OPCML: variants seen among roughly 807,000 people sequenced by gnomAD.
The protein encoded by OPCML is opioid binding protein/cell adhesion molecule like.
A neutral mutation model predicts 37.8 loss-of-function variants in OPCML; 13 were observed. The observed-to-expected ratio is 0.34, with a 90% confidence interval of 0.22 to 0.55. The LOEUF (loss-of-function observed/expected upper bound fraction) is 0.55, where lower values mean the gene tolerates loss of function less well. OPCML is among the 20% of genes least tolerant of loss of function. The probability of loss-of-function intolerance (pLI) is 0.91; values close to 1 mark genes in which losing one functional copy is unlikely to be tolerated. For missense variants in OPCML, 341 were observed against 435.6 expected (o/e 0.78, Z 1.93); for synonymous variants, 176 against 168.8 (o/e 1.04, Z -0.33).
intron 3 of OPCML, among the ~76,000 whole-genome samples, chr11:132,551,137 T>C (rs1473374686): frequency 3.3e-5 from 5 of 152,228 alleles, no homozygotes; most frequent in African/African-American, 1.2e-4. Context: ...GCAATTCCCC[T>C]GTCTTGAACT....
chr11:132,877,433 A>T (rs1943062136), intron 2 of OPCML, among the ~76,000 whole-genome samples: 1 of 152,202 alleles, frequency 6.6e-6, no homozygotes, highest in African/African-American at 2.4e-5. Context: ...GTCTGGCCCT[A>T]GCTTTGCTAC....
At chr11:132,442,770 G>A (rs746477077) in intron 4 of OPCML, among the ~76,000 whole-genome samples, 6 of 152,270 alleles carry the variant, frequency 3.9e-5, no homozygotes, top group Middle Eastern at 3.4e-3. Context: ...CCCTGCACAA[G>A]CTTCTTGCCT....
At chr11:132,748,692 C>T (rs986628451) in intron 2 of OPCML, among the ~76,000 whole-genome samples, 7 of 152,134 alleles carry the variant, frequency 4.6e-5, no homozygotes, top group South Asian at 2.1e-4. Flanking sequence ...CTGAAGAAGA[C>T]GGAAAGGCAT....
At chr11:132,559,598 T>C (rs996996599) in intron 3 of OPCML, among the ~76,000 whole-genome samples, 1 of 152,084 alleles carries the variant, frequency 6.6e-6, no homozygotes, top group Admixed American at 6.5e-5. Context: ...ACTGGAATTA[T>C]GAGAAACAAA....
intron 1 of OPCML, among the ~76,000 whole-genome samples, chr11:133,261,322 C>T (rs1320304797): frequency 1.3e-5 from 2 of 152,226 alleles, no homozygotes; most frequent in South Asian, 2.1e-4. Context: ...TCTTGTAGCT[C>T]TCTCTTCCTT....
At chr11:133,477,686 A>C (rs1225665165) in intron 1 of OPCML, among the ~76,000 whole-genome samples, 1 of 152,224 alleles carries the variant, frequency 6.6e-6, no homozygotes, top group African/African-American at 2.4e-5. Flanking sequence ...CCGCATGTCC[A>C]TCACGGGCCA....
intron 1 of OPCML, among the ~76,000 whole-genome samples, chr11:132,957,627 C>A (rs904404724): frequency 1.3e-5 from 2 of 152,012 alleles, no homozygotes; most frequent in Admixed American, 6.6e-5. Context: ...TTGTGGCAAC[C>A]CTGCATCAAG....
chr11:132,433,718 T>A (rs553160449), intron 7 of OPCML, among the ~76,000 whole-genome samples: 33 of 152,292 alleles, frequency 2.2e-4, no homozygotes, highest in Admixed American at 1.1e-3. Flanking sequence ...CCAATATAGT[T>A]ACTGTCCTTA....
chr11:132,970,277 A>T (rs992540128), intron 1 of OPCML, among the ~76,000 whole-genome samples: 11 of 152,200 alleles, frequency 7.2e-5, no homozygotes, highest in African/African-American at 2.7e-4. Flanking sequence ...GCACATACGA[A>T]ATATTTTATT....
chr11:133,324,541 G>T (rs1943405583), intron 1 of OPCML, among the ~76,000 whole-genome samples: 1 of 152,210 alleles, frequency 6.6e-6, no homozygotes, highest in African/African-American at 2.4e-5. Context: ...TACTGCTGGG[G>T]AGGGAAGAAA....
At chr11:132,868,730 C>T (rs1163104601) in intron 2 of OPCML, among the ~76,000 whole-genome samples, 1 of 152,160 alleles carries the variant, frequency 6.6e-6, no homozygotes, top group Non-Finnish European at 1.5e-5. Flanking sequence ...GGACTGCTCC[C>T]TTGACACATC....
intron 1 of OPCML, among the ~76,000 whole-genome samples, chr11:133,448,890 G>C (rs1297911846): frequency 6.6e-6 from 1 of 152,180 alleles, no homozygotes; most frequent in African/African-American, 2.4e-5. Context: ...AATGAATATT[G>C]TGGTTTATCT....
At chr11:133,091,698 A>T (rs747010404) in intron 1 of OPCML, among the ~76,000 whole-genome samples, 21 of 152,072 alleles carry the variant, frequency 1.4e-4, no homozygotes, top group Non-Finnish European at 2.8e-4. Flanking sequence ...TGACCCTCCC[A>T]CCATGGTATT....
chr11:133,292,136 G>A (rs1942495871), intron 1 of OPCML, among the ~76,000 whole-genome samples: 1 of 152,124 alleles, frequency 6.6e-6, no homozygotes, highest in African/African-American at 2.4e-5. Context: ...CTTGTGTTCT[G>A]ACACATAAGG....
intron 2 of OPCML, among the ~76,000 whole-genome samples, chr11:132,820,717 G>A (rs957769471): frequency 6.6e-6 from 1 of 152,112 alleles, no homozygotes; most frequent in Non-Finnish European, 1.5e-5. Flanking sequence ...CTGTATCTCA[G>A]GCAGTTTGGT....
intron 3 of OPCML, among the ~76,000 whole-genome samples, chr11:132,564,349 T>C (rs2096417441): frequency 6.6e-6 from 1 of 152,204 alleles, no homozygotes; most frequent in South Asian, 2.1e-4. Context: ...CCTAACCGCT[T>C]CCTTCCACAA....
chr11:132,659,716 G>A (rs1041472980), intron 2 of OPCML, among the ~76,000 whole-genome samples: 2 of 152,064 alleles, frequency 1.3e-5, no homozygotes, highest in African/African-American at 4.8e-5. Context: ...GTGTGTGTGT[G>A]TGTGTGTGTG....
At chr11:133,360,236 T>C (rs898644057) in intron 1 of OPCML, 2 of 152,258 alleles carry the variant, frequency 1.3e-5, no homozygotes, top group African/African-American at 2.4e-5. Context: ...GCAGAGATTC[T>C]ATTTTATCTA....
At chr11:132,426,268 AT>A (rs1162867680) in intron 7 of OPCML, among the ~76,000 whole-genome samples, 1 of 152,216 alleles carries the variant, frequency 6.6e-6, no homozygotes, top group Non-Finnish European at 1.5e-5. Context: ...AAAGGGATCC[AT>A]TTGTGTGGAC....
Sources: allele counts gnomAD v4.1 joint callset (sites outside exome capture counted in the v4.1 genomes callset), GRCh38; gene constraint gnomAD v4.1.1; transcripts MANE v1.5; gene names NCBI Gene and HGNC (gene_info 2026-07-23, HGNC 2026-07-21).